PLB1: variants seen among roughly 807,000 people sequenced by gnomAD.
PLB1 encodes phospholipase B1, also known as phospholipase B1, membrane-associated.
Under a neutral mutation model 227.4 loss-of-function variants are expected in PLB1, and 242 were observed. That is an observed-to-expected ratio of 1.06 (90% CI 0.96 to 1.18). PLB1 has a LOEUF of 1.18. Ranked by LOEUF, PLB1 falls within the 50% of genes most tolerant of loss-of-function variation. The pLI is 0.00. For synonymous variants in PLB1, 757 were observed against 682.2 expected, an observed-to-expected ratio of 1.11 and a Z score of -1.71; for missense variants, 1,858 against 1,816.3, an observed-to-expected ratio of 1.02 and a Z score of -0.42.
In PLB1 at chr2:28,589,433, C is replaced by A. The variant is rs370365342; in HGVS notation, c.1816-17C>A. ...CAGAGAGGACTGCCTGACATCTGTC[C>A]CCTTTTCCTCCTGCAGGAGAAGACC... On this transcript the variant is annotated splice_polypyrimidine_tract_variant and intron_variant, in intron 26 of 57. Coordinates refer to ENST00000327757, the MANE Select transcript of PLB1 (RefSeq NM_153021.5). The A allele has an allele frequency of 1.2e-6, 2 of 1,603,186 alleles. No homozygotes were observed. Among genetic ancestry groups the A allele is most frequent in the Non-Finnish European group, 1.7e-6 (2 of 1,170,212 alleles).
chr2:28,552,217 C>T (rs1449168491), intron 16 of PLB1, among the ~76,000 whole-genome samples: 2 of 152,098 alleles, frequency 1.3e-5, no homozygotes, highest in Admixed American at 1.3e-4. Context: ...AGGATACCCA[C>T]GACCTCAGTC....
chr2:28,617,333 C>A (rs1373537265), intron 44 of PLB1, among the ~76,000 whole-genome samples: 1 of 152,156 alleles, frequency 6.6e-6, no homozygotes, highest in African/African-American at 2.4e-5. Flanking sequence ...TTATAAAACA[C>A]ACATACCTGT....
intron 35 of PLB1, 70 bp downstream of exon 35, chr2:28,598,830 A>C: frequency 1.5e-6 from 2 of 1,349,580 alleles, no homozygotes; most frequent in Non-Finnish European, 2.1e-6. Context: ...CTTTAAGACC[A>C]TGGGGCTGGC....
At chr2:28,505,423 G>A (rs1285407273) in intron 1 of PLB1, among the ~76,000 whole-genome samples, 1 of 152,214 alleles carries the variant, frequency 6.6e-6, no homozygotes, top group Non-Finnish European at 1.5e-5. Flanking sequence ...GTCGGCAAAA[G>A]CAAGTTGGCA....
intron 10 of PLB1, among the ~76,000 whole-genome samples, 177 bp downstream of exon 10, chr2:28,538,558 C>G (rs989404464): frequency 6.6e-6 from 1 of 152,176 alleles, no homozygotes; most frequent in Non-Finnish European, 1.5e-5. Context: ...GCCAGGAGAG[C>G]ACACTCCACT....
At chr2:28,614,592 A>G (rs1685932406) in intron 44 of PLB1, among the ~76,000 whole-genome samples, 1 of 152,176 alleles carries the variant, frequency 6.6e-6, no homozygotes. Context: ...GGTTAATTCC[A>G]TTGGATTAAC....
intron 54 of PLB1, among the ~76,000 whole-genome samples, chr2:28,631,572 C>T (rs1471963901): frequency 1.3e-5 from 2 of 152,346 alleles, no homozygotes; most frequent in Middle Eastern, 6.8e-3. Context: ...AATCCAGCCA[C>T]CGTGGACTCT....
intron 1 of PLB1, among the ~76,000 whole-genome samples, chr2:28,508,522 C>T (rs1667883057): frequency 6.6e-6 from 1 of 152,224 alleles, no homozygotes; most frequent in Non-Finnish European, 1.5e-5. Flanking sequence ...TAGTCACATG[C>T]AGCACCTGCT....
chr2:28,582,551 T>G (rs746963446), intron 25 of PLB1, 46 bp downstream of exon 25: 1 of 1,411,452 alleles, frequency 7.1e-7, no homozygotes, highest in South Asian at 1.2e-5. Flanking sequence ...TCCTCACTGC[T>G]AAGGGCAGTG....
chr2:28,604,605 C>G (rs1261212658), intron 40 of PLB1, 50 bp from the exon 41 acceptor site: 1 of 1,538,270 alleles, frequency 6.5e-7, no homozygotes, highest in South Asian at 1.1e-5. Flanking sequence ...CTCACTGGGT[C>G]CTGGGCCCAC....
At chr2:28,500,480 C>A (rs1019034820) in intron 1 of PLB1, among the ~76,000 whole-genome samples, 11 of 152,118 alleles carry the variant, frequency 7.2e-5, no homozygotes, top group Non-Finnish European at 1.6e-4. Flanking sequence ...TCCATTGATA[C>A]TTCTTGCCTA....
In PLB1 at chr2:28,628,091, G is replaced by A. The variant is rs563977798; in HGVS notation, c.3661-472G>A. 7.2e-5 allele frequency among the ~76,000 whole-genome samples: 11 copies of A among 152,342 alleles called. No individual in the cohort carries two copies. The South Asian group carries it at 2.3e-3, about 32-fold the overall frequency. Reference sequence around the variant, plus strand: ...CTACTGGGGAGATGGTTCAGAGGAAGAGAACCTTACACTGAGTCACAGGGG... The same window carrying A: ...CTACTGGGGAGATGGTTCAGAGGAAAAGAACCTTACACTGAGTCACAGGGG... On this transcript the variant is annotated intron_variant, in intron 51 of 57. Transcript: ENST00000327757.
At chr2:28,633,655 G>C (rs575223134) in intron 56 of PLB1, among the ~76,000 whole-genome samples, 2 of 152,350 alleles carry the variant, frequency 1.3e-5, no homozygotes, top group South Asian at 4.1e-4. Context: ...TGAACATACA[G>C]TCTGGGGGTC....
chr2:28,642,671 T>C (rs1165924802), intron 57 of PLB1, among the ~76,000 whole-genome samples, 187 bp from the exon 58 acceptor site: 1 of 152,184 alleles, frequency 6.6e-6, no homozygotes, highest in East Asian at 1.9e-4. Flanking sequence ...TGTTGACCTC[T>C]TTAGAGGCCC....
chr2:28,534,408 T>TA (rs565786143), intron 9 of PLB1, among the ~76,000 whole-genome samples: 157 of 152,050 alleles, frequency 1.0e-3, no homozygotes, highest in African/African-American at 8.0e-4. Context: ...ACCAACATTG[T>TA]AAAAAAAATA....
chr2:28,521,873 C>G (rs1669573713), intron 4 of PLB1, among the ~76,000 whole-genome samples: 1 of 151,984 alleles, frequency 6.6e-6, no homozygotes, highest in Non-Finnish European at 1.5e-5. Context: ...ACTCTTTCTC[C>G]CCCAGAGCCT....
chr2:28,576,584 G>T (rs1678986035), intron 21 of PLB1, among the ~76,000 whole-genome samples: 1 of 152,138 alleles, frequency 6.6e-6, no homozygotes, highest in Admixed American at 6.6e-5. Context: ...ACAACAATTA[G>T]CCGGGTGTGG....
intron 13 of PLB1, among the ~76,000 whole-genome samples, 199 bp downstream of exon 13, chr2:28,542,010 G>A (rs1381762058): frequency 6.6e-6 from 1 of 152,036 alleles, no homozygotes. Context: ...GTGGGCGCCT[G>A]TAATCCCAGC....
At chr2:28,576,690 A>C (rs1679006684) in intron 21 of PLB1, among the ~76,000 whole-genome samples, 1 of 152,184 alleles carries the variant, frequency 6.6e-6, no homozygotes. Context: ...AGATCACGCC[A>C]TTGCACTACA....
Sources: gnomAD v4.1 joint callset for allele counts (sites outside exome capture counted in the v4.1 genomes callset) on GRCh38, gnomAD v4.1.1 for gene constraint, MANE v1.5 for transcripts, NCBI Gene and HGNC (gene_info 2026-07-23, HGNC 2026-07-21) for gene names.